Variants in KCNC2 observed in about 807,000 individuals in gnomAD.
KCNC2 encodes the protein potassium voltage-gated channel subfamily C member 2, also known as voltage-gated potassium channel KCNC2.
KCNC2 carries 21 observed loss-of-function variants against 44.5 expected under a neutral mutation model. That is an observed-to-expected ratio of 0.47 (90% confidence interval 0.33 to 0.68). KCNC2 has a LOEUF of 0.68. KCNC2 is among the 30% of genes least tolerant of loss of function. The pLI is 0.01. For missense variants in KCNC2, 589 were observed against 826.2 expected (o/e 0.71, Z 3.52); for synonymous variants, 391 against 339.1 (o/e 1.15, Z -1.68).
chr12:75,097,375 G>T (rs1364345957), intron 2 of KCNC2, among the ~76,000 whole-genome samples: 2 of 152,056 alleles, frequency 1.3e-5, no homozygotes, highest in African/African-American at 2.4e-5. Flanking sequence ...ACAGCACCAA[G>T]AATGAACCCC....
chr12:75,066,261 A>G lies in KCNC2; in HGVS notation c.688-14944T>C, dbSNP rs1297255191. On this transcript the variant is annotated intron_variant, in intron 2 of 4. Transcript: ENST00000549446. ...AATTTTATTATATCATTTCTAATAG[A>G]TTCAAAGTTTATATTTTTTACAAAC... Among the ~76,000 whole-genome samples, 3 of 152,018 alleles carry G rather than the reference A, an allele frequency of 2.0e-5. No individual in the cohort carries two copies. The East Asian group carries it at 5.8e-4, about 29-fold the overall frequency.
chr12:75,095,185 A>C (rs1885818670), intron 2 of KCNC2, among the ~76,000 whole-genome samples: 1 of 151,814 alleles, frequency 6.6e-6, no homozygotes, highest in Non-Finnish European at 1.5e-5. Flanking sequence ...TTAGTACATA[A>C]AATTACACCA....
intron 2 of KCNC2, among the ~76,000 whole-genome samples, chr12:75,093,015 CTTT>C (rs759357469): frequency 1.5e-5 from 2 of 134,174 alleles, no homozygotes; most frequent in African/African-American, 2.7e-5. Flanking sequence ...GACCTTTAGG[CTTT>C]TTTTTTTTTT....
chr12:75,064,228 T>C (rs1188041477), intron 2 of KCNC2, among the ~76,000 whole-genome samples: 1 of 152,058 alleles, frequency 6.6e-6, no homozygotes, highest in Non-Finnish European at 1.5e-5. Context: ...ATTCTTTTAT[T>C]CCCTTGCTAC....
chr12:75,200,353 A>G (rs1387705734), intron 2 of KCNC2, among the ~76,000 whole-genome samples: 1 of 151,870 alleles, frequency 6.6e-6, no homozygotes, highest in Non-Finnish European at 1.5e-5. Context: ...GTGCCAGATG[A>G]TTGCCAATTT....
intron 2 of KCNC2, among the ~76,000 whole-genome samples, chr12:75,056,987 C>A (rs1881814878): frequency 1.3e-5 from 2 of 151,902 alleles, no homozygotes; most frequent in Non-Finnish European, 2.9e-5. Context: ...TGGCATTAAG[C>A]AGAGGTATTC....
At chr12:75,113,034 T>G (rs1486156468) in intron 2 of KCNC2, among the ~76,000 whole-genome samples, 1 of 152,142 alleles carries the variant, frequency 6.6e-6, no homozygotes, top group African/African-American at 2.4e-5. Flanking sequence ...ACCAGGAAAC[T>G]TGAATTTAAT....
chr12:75,150,075 G>A (rs1282559158), intron 2 of KCNC2, among the ~76,000 whole-genome samples: 1 of 151,770 alleles, frequency 6.6e-6, no homozygotes, highest in African/African-American at 2.4e-5. Flanking sequence ...AATATAAACT[G>A]ACATTCTGCA....
rs1565815545 is a variant in KCNC2 at position 75,056,615 on chromosome 12, G to GC, written c.688-5299_688-5298insG. Among the ~76,000 whole-genome samples the GC allele has an allele frequency of 2.6e-5, 4 of 151,936 alleles. 1 individual carries two copies. The South Asian group carries it at 8.3e-4, about 31-fold the overall frequency. On this transcript the variant is annotated intron_variant, in intron 2 of 4. Coordinates refer to ENST00000549446, the MANE Select transcript of KCNC2 (RefSeq NM_139137.4). ...AATTTTAAATGTTCAAGTATCAGAA[G>GC]TTCATGTAATCCTGTGATCCAAAAT...
rs898373321 is a variant in KCNC2, at chr12:75,050,510, G to C, written c.1495C>G (p.Pro499Ala). Reference sequence around the variant, plus strand: ...GTAGGTGAGCTTGCCTGAGGAGCAGGAGGGATGTGCTTCTTTCTTTTCCTT... The same window carrying C: ...GTAGGTGAGCTTGCCTGAGGAGCAGCAGGGATGTGCTTCTTTCTTTTCCTT... Reference protein sequence around the residue: ...LPRKRKKHIPPAPQASSPTFC... With the variant: ...LPRKRKKHIPAAPQASSPTFC... The change falls in exon 3 of 5, where the codon CCT becomes GCT. Residue 499 changes from proline (P) to alanine (A), a missense_variant. Physicochemically the swap from Pro to Ala is conservative, Grantham distance 27 (BLOSUM62 -1). Around this residue, in one of 7 missense-constraint regions of KCNC2, gnomAD observed 171 missense variants for 182.4 expected, o/e 0.94. Coordinates refer to ENST00000549446, the MANE Select transcript of KCNC2 (RefSeq NM_139137.4). 1 of 1,613,662 alleles carries C rather than the reference G, an allele frequency of 6.2e-7. No individual in the cohort carries two copies. The highest frequency in any genetic ancestry group is 8.5e-7 in the Non-Finnish European group (1 of 1,179,774).
intron 2 of KCNC2, among the ~76,000 whole-genome samples, chr12:75,146,649 A>C (rs1890048806): frequency 6.6e-6 from 1 of 152,234 alleles, no homozygotes; most frequent in African/African-American, 2.4e-5. Flanking sequence ...CATACCTAGA[A>C]ATAGAAATAG....
intron 2 of KCNC2, among the ~76,000 whole-genome samples, chr12:75,162,897 C>T (rs896031501): frequency 2.6e-5 from 4 of 151,674 alleles, no homozygotes; most frequent in African/African-American, 9.7e-5. Context: ...AAGTCTTAGA[C>T]CACGACCTGC....
chr12:75,152,087 AC>A (rs1890443642), intron 2 of KCNC2, among the ~76,000 whole-genome samples: 1 of 148,908 alleles, frequency 6.7e-6, no homozygotes, highest in Non-Finnish European at 1.5e-5. Context: ...CAAATAAAAA[AC>A]ATCAAAGTTT....
chr12:75,074,601 C>T (rs1171502515), intron 2 of KCNC2, among the ~76,000 whole-genome samples: 2 of 152,238 alleles, frequency 1.3e-5, no homozygotes, highest in East Asian at 1.9e-4. Flanking sequence ...TTGGCCCCCG[C>T]ATGTAATTCA....
At chr12:75,066,286 C>A (rs116222427) in intron 2 of KCNC2, among the ~76,000 whole-genome samples, 4,898 of 152,106 alleles carry the variant, frequency 0.032, 240 homozygotes, top group African/African-American at 0.11. Flanking sequence ...TTTTTACAAA[C>A]ACTCAAAGCT....
intron 2 of KCNC2, among the ~76,000 whole-genome samples, chr12:75,157,010 G>A (rs1890807087): frequency 1.3e-5 from 2 of 151,748 alleles, no homozygotes; most frequent in Admixed American, 1.3e-4. Flanking sequence ...CATAATCTGG[G>A]AACAATCCCA....
intron 2 of KCNC2, among the ~76,000 whole-genome samples, chr12:75,197,486 C>T (rs1409880093): frequency 6.6e-6 from 1 of 152,020 alleles, no homozygotes; most frequent in Non-Finnish European, 1.5e-5. Flanking sequence ...TGTGGGTCTA[C>T]ACTATATCAA....
chr12:75,183,668 CCT>C (rs1892747912), intron 2 of KCNC2, among the ~76,000 whole-genome samples: 1 of 152,104 alleles, frequency 6.6e-6, no homozygotes, highest in Non-Finnish European at 1.5e-5. Context: ...CTGAATGATA[CCT>C]CTGTCTTCTT....
chr12:75,056,481 G>T (rs1042605777), intron 2 of KCNC2, among the ~76,000 whole-genome samples: 5 of 151,790 alleles, frequency 3.3e-5, no homozygotes, highest in African/African-American at 1.2e-4. Context: ...ATTATTTTTA[G>T]TTTGTATTTC....
Sources: allele counts gnomAD v4.1 joint callset (sites outside exome capture counted in the v4.1 genomes callset), GRCh38; gene constraint gnomAD v4.1.1; regional missense constraint gnomAD v4.1.1; transcripts MANE v1.5; gene names NCBI Gene and HGNC (gene_info 2026-07-23, HGNC 2026-07-21).